PRPF8: variants seen among roughly 807,000 people sequenced by gnomAD.
The protein encoded by PRPF8 is pre-mRNA processing factor 8, also known as pre-mRNA-processing-splicing factor 8.
A neutral mutation model predicts 285.9 loss-of-function variants in PRPF8; 64 were observed. The observed-to-expected ratio is 0.22, with a 90% CI of 0.18 to 0.28. The LOEUF is 0.28. Ranked by LOEUF, PRPF8 falls within the 10% of genes least tolerant of loss-of-function variation. The pLI, the probability that PRPF8 is intolerant of heterozygous loss-of-function variation, is 1.00. For synonymous variants in PRPF8, 1,325 were observed against 1,118.2 expected (o/e 1.18, Z -3.69); for missense variants, 1,426 against 3,026.7 (o/e 0.47, Z 12.41).
Position 1,683,679 on chromosome 17 carries a change from C to A in PRPF8, c.123G>T (p.Gln41His). 6.2e-7 allele frequency: 1 copy of A among 1,614,044 alleles called. No individual in the cohort carries two copies. Among genetic ancestry groups the A allele is most frequent in the Non-Finnish European group, 8.5e-7 (1 of 1,180,020 alleles). ...TCCGCTTTTCTGCATAGCGCTTGGCCTGCAATTGCTGCCATTTTCGAGCTG... is the reference window on the plus strand; with the variant it reads ...TCCGCTTTTCTGCATAGCGCTTGGCATGCAATTGCTGCCATTTTCGAGCTG... ...QEKARKWQQL[Q>H]AKRYAEKRKF... is the part of the protein sequence containing the mutation. The change falls in exon 3 of 43, where the codon CAG (glutamine) becomes CAT (histidine). Residue 41 changes from glutamine (Q) to histidine (H), a missense_variant. Gln to His is a conservative substitution (Grantham distance 24, BLOSUM62 0). This residue lies in a region of PRPF8 where 72 missense variants were observed against 80.0 expected (regional missense o/e 0.90). Transcript: ENST00000304992.
intron 24 of PRPF8, among the ~76,000 whole-genome samples, chr17:1,666,237 G>A (rs1911977926): frequency 6.6e-6 from 1 of 151,692 alleles, no homozygotes; most frequent in Admixed American, 6.6e-5. Context: ...CAAAGGGATG[G>A]CAATGATAAG....
At chr17:1,681,144 T>A in intron 6 of PRPF8, 90 bp from the exon 7 acceptor site, 1 of 1,419,446 alleles carries the variant, frequency 7.0e-7, no homozygotes, top group Non-Finnish European at 9.9e-7. Context: ...AATGGCATGA[T>A]CATCGTTCAC....
chr17:1,673,720 C>T lies in PRPF8; in HGVS notation c.3446+26G>A. 2 of 1,613,760 alleles carry T rather than the reference C, an allele frequency of 1.2e-6. No individual in the cohort carries two copies. Among genetic ancestry groups the T allele is most frequent in the Non-Finnish European group, 8.5e-7 (1 of 1,180,040 alleles). On this transcript the variant is annotated intron_variant, in intron 22 of 42. Transcript: ENST00000304992. This position sits in a 1 kb window ranked among gnomAD's most constrained non-coding sequence, Gnocchi z 5.5. ...GGGCCCTTAGCTTATGTCCTTCCAG[C>T]TCACACAGCCCCAACCTAGACTCAC...
intron 3 of PRPF8, among the ~76,000 whole-genome samples, chr17:1,682,841 A>T (rs1282570446): frequency 6.6e-6 from 1 of 152,240 alleles, no homozygotes; most frequent in Admixed American, 6.5e-5. Flanking sequence ...GTACTAGCCC[A>T]GTTTAGAGCC....
intron 13 of PRPF8, 74 bp from the exon 14 acceptor site, chr17:1,677,768 T>C (rs1397425805): frequency 1.9e-6 from 3 of 1,587,644 alleles, no homozygotes; most frequent in Admixed American, 1.7e-5. Context: ...TGGGCAGAGG[T>C]GGGGCATATA....
In PRPF8 at chr17:1,668,425, G is replaced by A. The variant is rs542675453; in HGVS notation, c.3774+4656C>T. Among the ~76,000 whole-genome samples, 611 of 144,618 alleles carry A rather than the reference G, an allele frequency of 4.2e-3. 2 individuals carry two copies. Among genetic ancestry groups the A allele is most frequent in the Non-Finnish European group, 6.2e-3 (416 of 66,806 alleles). 94.9% of individuals were successfully genotyped at this position (144,618 alleles called of 152,430 possible). A position where few individuals can be genotyped will look rare whatever the true frequency, so the allele number is the denominator to read the frequency against. ...CACCCAGGCTGGAGTGCAGTGTCGC[G>A]ATCTCGGTTCACTGCAAGCTCTGCC... On this transcript the variant is annotated intron_variant, in intron 24 of 42. Transcript: ENST00000304992.
intron 24 of PRPF8, among the ~76,000 whole-genome samples, chr17:1,670,192 G>A (rs1386809857): frequency 6.6e-6 from 1 of 152,122 alleles, no homozygotes; most frequent in East Asian, 1.9e-4. Context: ...GAAGAAATAA[G>A]GTATAAATAA....
Position 1,655,557 on chromosome 17 carries a change from T to A in PRPF8, c.5794-14A>T, listed in dbSNP as rs763198329. The A allele has an allele frequency of 3.1e-6, 5 of 1,601,094 alleles. No individual in the cohort carries two copies. The South Asian group carries it at 5.5e-5, about 18-fold the overall frequency. ...ACGGGAGAAGGCCTGGGAAAAGATT[T>A]GGAAGAGTGGGGTAGGTCAGCTGCT... On this transcript the variant is annotated splice_polypyrimidine_tract_variant and intron_variant, in intron 36 of 42. Transcript: ENST00000304992.
rs777982073 is a variant in PRPF8, at chr17:1,675,680, G to C, written c.2812C>G (p.Pro938Ala). 6.2e-7 allele frequency: 1 copy of C among 1,614,158 alleles called. No individual in the cohort carries two copies. Among genetic ancestry groups the C allele is most frequent in the East Asian group, 2.2e-5 (1 of 44,880 alleles). The change falls in exon 19 of 43, where the codon CCC (proline) becomes GCC (alanine). Residue 938 changes from proline to alanine, a missense_variant. By Grantham distance (27) the Pro-to-Ala change is conservative. Transcript: ENST00000304992. The surrounding 1 kb of genome is among the most constrained non-coding windows in gnomAD (Gnocchi z 6.0). ...YEADKRRLFP[P>A]WIKPADTEPP... ...TCTGTGTCTGCAGGCTTAATCCAGG[G>C]TGGGAACAGGCGGCGCTTGTCGGCT...
At position 1,675,550 on chromosome 17, in the gene PRPF8, A is replaced by G. The variant is rs1912565838; in HGVS notation, c.2872+70T>C. 5.7e-6 allele frequency: 9 copies of G among 1,589,308 alleles called. No homozygotes were observed. Among genetic ancestry groups the G allele is most frequent in the Non-Finnish European group, 7.8e-6 (9 of 1,158,042 alleles). On this transcript the variant is annotated intron_variant, in intron 19 of 42. Coordinates refer to ENST00000304992, the MANE Select transcript of PRPF8 (RefSeq NM_006445.4). This position sits in a 1 kb window ranked among gnomAD's most constrained non-coding sequence, Gnocchi z 6.0. ...AGAGAGTAAACCAATCATGCTACCC[A>G]GATGAGATTTTTGACGTAGAACTAA...
rs1912770181 is a variant in PRPF8 at position 1,679,216 on chromosome 17, G to A, written c.1410-10C>T. The A allele has an allele frequency of 1.9e-6, 3 of 1,614,198 alleles. No individual in the cohort carries two copies. The highest frequency in any genetic ancestry group is 1.3e-5 in the African/African-American group (1 of 75,036). On this transcript the variant is annotated splice_polypyrimidine_tract_variant and intron_variant, in intron 10 of 42. Transcript: ENST00000304992. This position sits in a 1 kb window ranked among gnomAD's most constrained non-coding sequence, Gnocchi z 4.7. The stretch of plus-strand genomic sequence containing the variant: ...GGAGCGGAACAAATACCTGAGGTGG[G>A]AACATGGAGAGTAAGAGTCAGCCTA...
intron 24 of PRPF8, among the ~76,000 whole-genome samples, chr17:1,670,267 AT>A (rs1191479907): frequency 2.0e-5 from 3 of 152,144 alleles, no homozygotes; most frequent in African/African-American, 7.2e-5. Flanking sequence ...CCTAAACTAG[AT>A]TTCTTTATCT....
chr17:1,666,308 G>T (rs1453807726), intron 24 of PRPF8, among the ~76,000 whole-genome samples: 3 of 152,104 alleles, frequency 2.0e-5, no homozygotes, highest in African/African-American at 7.2e-5. Flanking sequence ...CCAGCACTTT[G>T]GGAGCCCAGG....
chr17:1,675,298 C>T lies in PRPF8; in HGVS notation c.2914G>A (p.Glu972Lys), dbSNP rs1448269550. 1.2e-6 allele frequency: 2 copies of T among 1,614,052 alleles called. No homozygotes were observed. Among genetic ancestry groups the T allele is most frequent in the Non-Finnish European group, 1.7e-6 (2 of 1,180,046 alleles). The change falls in exon 20 of 43, where the codon GAG becomes AAG. Residue 972 changes from glutamate (E) to lysine (K), a missense_variant. Physicochemically the swap from Glu to Lys is moderately conservative, Grantham distance 56. Coordinates refer to ENST00000304992, the MANE Select transcript of PRPF8 (RefSeq NM_006445.4). The surrounding 1 kb of genome is among the most constrained non-coding windows in gnomAD (Gnocchi z 6.0). ...CGGGATTCCAGCATGACATTGCACT[C>T]GCCTTCACTCGTCTCCCACACGTCC... is the stretch of plus-strand genomic sequence containing the variant. The part of the protein sequence containing the change: ...LQDVWETSEG[E>K]CNVMLESRFE...
At chr17:1,684,646 G>A in intron 1 of PRPF8, 64 bp from the exon 2 acceptor site, 2 of 1,490,206 alleles carry the variant, frequency 1.3e-6, no homozygotes, top group East Asian at 2.4e-5. Flanking sequence ...AAGCGCAGCA[G>A]AAAGGCGTCC....
At position 1,675,498 on chromosome 17, in the gene PRPF8, A is replaced by G; in HGVS notation, c.2872+122T>C. 22 of 1,461,848 alleles carry G rather than the reference A, an allele frequency of 1.5e-5. No individual in the cohort carries two copies. Among genetic ancestry groups the G allele is most frequent in the Non-Finnish European group, 2.1e-5 (22 of 1,045,260 alleles). 90.6% of individuals were successfully genotyped at this position (1,461,848 alleles called of 1,614,324 possible). A position where few individuals can be genotyped will look rare whatever the true frequency, so the allele number is the denominator to read the frequency against. ...GGCTTTTCCTCAGTTTAACACGAAC[A>G]CTACTTCCCTTTACTACCACGCATC... On this transcript the variant is annotated intron_variant, in intron 19 of 42. Coordinates refer to ENST00000304992, the MANE Select transcript of PRPF8 (RefSeq NM_006445.4). The surrounding 1 kb of genome is among the most constrained non-coding windows in gnomAD (Gnocchi z 6.0).
intron 30 of PRPF8, 146 bp downstream of exon 30, chr17:1,660,286 C>G (rs1911610730): frequency 6.8e-7 from 1 of 1,460,046 alleles, no homozygotes; most frequent in South Asian, 1.2e-5. Flanking sequence ...CTACAGTACC[C>G]TCTCCCCACG....
rs1911393098 is a variant in PRPF8, at chr17:1,656,419, G to A, written c.5766C>T (p.Asp1922=). 1 of 1,614,180 alleles carries A rather than the reference G, an allele frequency of 6.2e-7. No individual in the cohort carries two copies. Among genetic ancestry groups the A allele is most frequent in the South Asian group, 1.1e-5 (1 of 91,090 alleles). Residue 1922 remains aspartate (D), a synonymous_variant, in exon 36 of 43, where the codon GAC becomes GAT. Coordinates refer to ENST00000304992, the MANE Select transcript of PRPF8 (RefSeq NM_006445.4). ...PQMVLFNLYD[D]WLKTISSYTA... Reference sequence around the variant, plus strand: ...TGTAAGATGAAATAGTCTTGAGCCAGTCGTCATAGAGGTTGAAGAGAACCA... The same window carrying A: ...TGTAAGATGAAATAGTCTTGAGCCAATCGTCATAGAGGTTGAAGAGAACCA...
chr17:1,652,120 A>G (rs1911111524), intron 39 of PRPF8: 1 of 450,250 alleles, frequency 2.2e-6, no homozygotes, highest in Admixed American at 3.5e-5. Context: ...CATCTGGAAA[A>G]CCAGCACTTG....
Sources: allele counts gnomAD v4.1 joint callset (sites outside exome capture counted in the v4.1 genomes callset), GRCh38; gene constraint gnomAD v4.1.1; regional missense constraint gnomAD v4.1.1; non-coding constraint Gnocchi (gnomAD v3.1); transcripts MANE v1.5; gene names NCBI Gene and HGNC (gene_info 2026-07-23, HGNC 2026-07-21).